Variants in NPAS3 observed in about 807,000 individuals in gnomAD.
NPAS3 encodes the protein neuronal PAS domain protein 3, also known as neuronal PAS domain-containing protein 3.
NPAS3 carries 14 observed loss-of-function variants against 73.1 expected under a neutral mutation model. The ratio of observed to expected loss-of-function variants is 0.19; its 90% confidence interval spans 0.13 to 0.30. NPAS3 has a LOEUF of 0.30. Ranked by LOEUF, NPAS3 falls within the 10% of genes least tolerant of loss-of-function variation. NPAS3 has a pLI of 1.00. For missense variants in NPAS3, 1,096 were observed against 1,250.0 expected, an observed-to-expected ratio of 0.88 and a Z score of 1.86; for synonymous variants, 620 against 541.5, an observed-to-expected ratio of 1.14 and a Z score of -2.01.
chr14:33,350,766 C>T (rs2045004147), intron 3 of NPAS3, among the ~76,000 whole-genome samples: 1 of 152,188 alleles, frequency 6.6e-6, no homozygotes, highest in Non-Finnish European at 1.5e-5. Flanking sequence ...TTCAGATTGA[C>T]TAATTTACTG....
chr14:33,229,407 A>G (rs2047757670), intron 3 of NPAS3, among the ~76,000 whole-genome samples: 1 of 152,168 alleles, frequency 6.6e-6, no homozygotes, highest in Non-Finnish European at 1.5e-5. Context: ...AAGAGTAGCT[A>G]TCATCCAGGG....
chr14:33,619,333 A>C (rs2058014411), intron 5 of NPAS3, among the ~76,000 whole-genome samples: 1 of 152,184 alleles, frequency 6.6e-6, no homozygotes, highest in African/African-American at 2.4e-5. Context: ...GCAAAAACTC[A>C]TTAATAGAAG....
intron 4 of NPAS3, among the ~76,000 whole-genome samples, chr14:33,492,275 T>C (rs1011839823): frequency 6.6e-6 from 1 of 152,164 alleles, no homozygotes; most frequent in Non-Finnish European, 1.5e-5. Flanking sequence ...ATTTTCATGT[T>C]GCTGTGATAA....
At chr14:33,784,438 T>G (rs970167559) in intron 9 of NPAS3, among the ~76,000 whole-genome samples, 1 of 151,940 alleles carries the variant, frequency 6.6e-6, no homozygotes. Flanking sequence ...ACCCCAGAGG[T>G]GAAAGCAACT....
intron 3 of NPAS3, among the ~76,000 whole-genome samples, chr14:33,259,857 C>T (rs76556924): frequency 3.2e-4 from 46 of 145,682 alleles, no homozygotes; most frequent in African/African-American, 1.0e-3. Context: ...GCAGCAGCAT[C>T]TTTTTTTTTT....
chr14:33,684,036 T>C (rs1958556), intron 6 of NPAS3, among the ~76,000 whole-genome samples: 104,767 of 151,900 alleles, frequency 0.69, 36,277 homozygotes, highest in East Asian at 0.87. Context: ...CAGGTTAGTT[T>C]TGTGGCCAAG....
chr14:33,542,459 C>T (rs1472713418), intron 4 of NPAS3, among the ~76,000 whole-genome samples: 2 of 152,154 alleles, frequency 1.3e-5, no homozygotes, highest in East Asian at 3.9e-4. Flanking sequence ...TCTCGTCGCC[C>T]CTCAAGCTCC....
intron 3 of NPAS3, among the ~76,000 whole-genome samples, chr14:33,232,788 C>G (rs2047898417): frequency 6.6e-6 from 1 of 152,178 alleles, no homozygotes; most frequent in African/African-American, 2.4e-5. Context: ...AATTGTCGAA[C>G]AGTAGTAACA....
At chr14:33,765,880 G>A (rs1249657715) in intron 7 of NPAS3, among the ~76,000 whole-genome samples, 2 of 152,114 alleles carry the variant, frequency 1.3e-5, no homozygotes, top group Non-Finnish European at 2.9e-5. Flanking sequence ...AGGCCCCTGT[G>A]TCGATTTAGA....
chr14:33,363,497 G>A (rs2045698640), intron 3 of NPAS3, among the ~76,000 whole-genome samples: 1 of 152,174 alleles, frequency 6.6e-6, no homozygotes, highest in Non-Finnish European at 1.5e-5. Flanking sequence ...AATTTTCCTA[G>A]ATGATTTTTT....
At chr14:33,698,149 G>A (rs1489509804) in intron 6 of NPAS3, among the ~76,000 whole-genome samples, 1 of 152,182 alleles carries the variant, frequency 6.6e-6, no homozygotes, top group African/African-American at 2.4e-5. Flanking sequence ...GGCACTGACA[G>A]TAAATGACAA....
At chr14:33,269,247 C>T (rs1207864008) in intron 3 of NPAS3, among the ~76,000 whole-genome samples, 1 of 152,110 alleles carries the variant, frequency 6.6e-6, no homozygotes, top group South Asian at 2.1e-4. Flanking sequence ...AGTGAAAATC[C>T]TTTACCATAT....
intron 7 of NPAS3, among the ~76,000 whole-genome samples, chr14:33,759,706 T>C (rs2062223934): frequency 6.6e-6 from 1 of 152,356 alleles, no homozygotes; most frequent in South Asian, 2.1e-4. Context: ...ATAACTATAA[T>C]GGAAGATTGT....
At chr14:33,118,732 T>G (rs951592384) in intron 2 of NPAS3, among the ~76,000 whole-genome samples, 8 of 152,054 alleles carry the variant, frequency 5.3e-5, no homozygotes, top group African/African-American at 1.7e-4. Context: ...CAATGAAACT[T>G]CCAAATAAAA....
chr14:33,132,188 A>G (rs986017315), intron 2 of NPAS3, among the ~76,000 whole-genome samples: 1 of 152,104 alleles, frequency 6.6e-6, no homozygotes, highest in African/African-American at 2.4e-5. Flanking sequence ...GGATTAGGCA[A>G]TGGAAGTGGA....
At chr14:32,938,469 G>GAGAGAGAAAT (rs1273158619), upstream of NPAS3, among the ~76,000 whole-genome samples, 4 of 124,566 alleles carry the variant, frequency 3.2e-5, no homozygotes, top group Non-Finnish European at 5.2e-5. Context: ...GAGAGAGAGA[G>GAGAGAGAAAT]AGAGAGAGAG....
intron 1 of NPAS3, among the ~76,000 whole-genome samples, chr14:33,053,775 A>T (rs1301587318): frequency 6.6e-6 from 1 of 152,158 alleles, no homozygotes; most frequent in Non-Finnish European, 1.5e-5. Flanking sequence ...TCACGAACAA[A>T]AGAGTGGTAG....
intron 10 of NPAS3, 38 bp from the exon 11 acceptor site, chr14:33,797,418 TG>T: frequency 1.2e-6 from 2 of 1,606,804 alleles, no homozygotes; most frequent in Non-Finnish European, 8.5e-7. Context: ...CCATGCAGAA[TG>T]GGTGTCTGCA....
intron 5 of NPAS3, among the ~76,000 whole-genome samples, chr14:33,619,356 C>T (rs2058015292): frequency 6.6e-6 from 1 of 151,962 alleles, no homozygotes; most frequent in African/African-American, 2.4e-5. Flanking sequence ...TTTCTCTGTT[C>T]CTGAAGTAGA....
Sources: allele counts gnomAD v4.1 joint callset (sites outside exome capture counted in the v4.1 genomes callset), GRCh38; gene constraint gnomAD v4.1.1; transcripts MANE v1.5; gene names NCBI Gene and HGNC (gene_info 2026-07-23, HGNC 2026-07-21).